DCST2: variants seen among roughly 807,000 people sequenced by gnomAD.
DCST2 encodes DC-STAMP domain containing 2, also known as DC-STAMP domain-containing protein 2.
In DCST2, 64 loss-of-function variants were observed where a neutral mutation model predicts 81.8. That is an observed-to-expected ratio of 0.78 (90% CI 0.64 to 0.96). The LOEUF (loss-of-function observed/expected upper bound fraction) is 0.96. Ranked by LOEUF, DCST2 falls within the 40% of genes least tolerant of loss-of-function variation. The probability of loss-of-function intolerance (pLI) is 0.00; values close to 1 mark genes in which losing one functional copy is unlikely to be tolerated. For missense variants in DCST2, 945 were observed against 1,001.4 expected, an observed-to-expected ratio of 0.94 and a Z score of 0.76; for synonymous variants, 354 against 402.6, an observed-to-expected ratio of 0.88 and a Z score of 1.44.
rs1234871471 is a variant in DCST2, at chr1:155,032,915, G to T, written c.440-147C>A. 3.9e-6 allele frequency: 4 copies of T among 1,012,840 alleles called. No homozygotes were observed. The East Asian group carries it at 1.0e-4, about 26-fold the overall frequency. The allele number at this position is 1,012,840 out of a possible 1,614,324, so 62.7% of individuals were successfully genotyped here. ...CTGGGGCCTGGGAGATCGTTAATCT[G>T]GGAGTGGAGGAGGCCAGAGAGCAAG... On this transcript the variant is annotated intron_variant, in intron 2 of 14. Transcript: ENST00000368424.
At chr1:155,023,753 A>C (rs537097066) in intron 12 of DCST2, 79 bp downstream of exon 12, 6 of 1,601,354 alleles carry the variant, frequency 3.7e-6, no homozygotes, top group Admixed American at 1.7e-5. Flanking sequence ...AAGTCCATCA[A>C]GGAAGGACCA....
chr1:155,026,269 G>A, intron 10 of DCST2, 33 bp downstream of exon 10: 1 of 1,608,144 alleles, frequency 6.2e-7, no homozygotes, highest in Non-Finnish European at 8.5e-7. Flanking sequence ...TGGGGAGGGG[G>A]CAGGGACTAG....
chr1:155,018,663 G>T lies in DCST2; in HGVS notation c.2203C>A (p.Pro735Thr), dbSNP rs749574086. 5 of 1,613,982 alleles carry T rather than the reference G, an allele frequency of 3.1e-6. 1 individual carries two copies. In the South Asian group the frequency reaches 5.5e-5, roughly 18 times the overall value. ...QPVSILTSPEPHRPPETSSAT... is the reference protein window; with the variant it reads ...QPVSILTSPETHRPPETSSAT... ...GAGGATGTCTCAGGTGGTCTGTGGG[G>T]CTCAGGGCTGGTGAGAATGCTGACA... The change falls in exon 15 of 15, where the codon CCC (proline) becomes ACC (threonine). Residue 735 changes from proline (P) to threonine (T), a missense_variant. Pro to Thr is a conservative substitution (Grantham distance 38, BLOSUM62 -1). Coordinates refer to ENST00000368424, the MANE Select transcript of DCST2 (RefSeq NM_144622.3).
chr1:155,024,724 G>A (rs1207838685), intron 10 of DCST2, 122 bp from the exon 11 acceptor site: 1 of 1,169,670 alleles, frequency 8.5e-7, no homozygotes, highest in East Asian at 3.1e-5. Context: ...TCTAGGTTTG[G>A]CTCAAATGCC....
intron 8 of DCST2, 140 bp from the exon 9 acceptor site, chr1:155,026,855 G>C: frequency 1.0e-6 from 1 of 996,928 alleles, no homozygotes; most frequent in East Asian, 2.6e-5. Flanking sequence ...GATGCCTCAG[G>C]CACCCTCATG....
At chr1:155,029,529 G>C in intron 7 of DCST2, 132 bp from the exon 8 acceptor site, 1 of 894,718 alleles carries the variant, frequency 1.1e-6, no homozygotes, top group Non-Finnish European at 1.7e-6. Context: ...GAAAAGAAAA[G>C]AAGCTGTGAG....
In DCST2 at chr1:155,030,096, A is replaced by T. The variant is rs1390695641; in HGVS notation, c.1165T>A (p.Tyr389Asn). 2 of 1,613,398 alleles carry T rather than the reference A, an allele frequency of 1.2e-6. No individual in the cohort carries two copies. Among genetic ancestry groups the T allele is most frequent in the African/African-American group, 1.3e-5 (1 of 74,900 alleles). ...LPLSAHEARR[Y>N]IPPGSIFLSQ... Reference sequence around the variant, plus strand: ...TCAGGGCCCTCACCCGGTGGGATGTAGCGCCTGGCCTCGTGAGCACTGAGC... The same window carrying T: ...TCAGGGCCCTCACCCGGTGGGATGTTGCGCCTGGCCTCGTGAGCACTGAGC... The change falls in exon 7 of 15, where the codon TAC becomes AAC. Residue 389 changes from tyrosine (Y) to asparagine (N), a missense_variant. Transcript: ENST00000368424.
At chr1:155,025,258 G>A (rs776576917) in intron 10 of DCST2, among the ~76,000 whole-genome samples, 2 of 152,192 alleles carry the variant, frequency 1.3e-5, no homozygotes, top group Non-Finnish European at 2.9e-5. Flanking sequence ...AAAGAGATAG[G>A]GGAATACAGT....
In DCST2 at chr1:155,023,363, C is replaced by T; in HGVS notation, c.1964+1G>A. 6.2e-7 allele frequency: 1 copy of T among 1,609,142 alleles called. No individual in the cohort carries two copies. Among genetic ancestry groups the T allele is most frequent in the Non-Finnish European group, 8.5e-7 (1 of 1,177,716 alleles). On this transcript the variant is annotated splice_donor_variant, in intron 13 of 14. Coordinates refer to ENST00000368424, the MANE Select transcript of DCST2 (RefSeq NM_144622.3). LOFTEE classifies it high-confidence loss of function. Reference sequence around the variant, plus strand: ...CCACCCCATGTCACTGAAAGACTCACAGCTCCAGGTCCAGGTCCCCCTGGT... The same window carrying T: ...CCACCCCATGTCACTGAAAGACTCATAGCTCCAGGTCCAGGTCCCCCTGGT...
chr1:155,033,518 A>G lies in DCST2; in HGVS notation c.184T>C (p.Leu62=). The G allele has an allele frequency of 6.2e-7, 1 of 1,614,012 alleles. No homozygotes were observed. Among genetic ancestry groups the G allele is most frequent in the Non-Finnish European group, 8.5e-7 (1 of 1,179,974 alleles). Residue 62 remains leucine (L), a synonymous_variant, in exon 1 of 15, where the codon TTG becomes CTG. Transcript: ENST00000368424. ...ATGCCCAGGCTAAGGAAGGCAGCCA[A>G]AGTGAGGGTGCCCACCAGGCAACCC... ...PWGCLVGTLT[L]AAFLSLGMGF...
intron 3 of DCST2, 131 bp from the exon 4 acceptor site, chr1:155,031,902 G>T: frequency 1.1e-6 from 1 of 942,896 alleles, no homozygotes; most frequent in Non-Finnish European, 1.6e-6. Context: ...GCTGTGTCCA[G>T]TGAACACTAG....
chr1:155,021,097 T>C (rs1558097096), intron 14 of DCST2, among the ~76,000 whole-genome samples: 1 of 152,120 alleles, frequency 6.6e-6, no homozygotes, highest in East Asian at 1.9e-4. Flanking sequence ...CCTCCCAGGT[T>C]CAATCAATTC....
At chr1:155,030,782 G>C in intron 5 of DCST2, 137 bp from the exon 6 acceptor site, 3 of 849,022 alleles carry the variant, frequency 3.5e-6, no homozygotes, top group Admixed American at 2.7e-5. Context: ...CTTGGGTCAA[G>C]GTGGACTGAG....
At chr1:155,031,798 C>T in intron 3 of DCST2, 27 bp from the exon 4 acceptor site, 1 of 1,610,052 alleles carries the variant, frequency 6.2e-7, no homozygotes. Context: ...GGTTGGCACC[C>T]AGGGCTGGAA....
intron 5 of DCST2, 167 bp from the exon 6 acceptor site, chr1:155,030,812 G>A (rs1026892233): frequency 5.9e-6 from 4 of 672,732 alleles, no homozygotes; most frequent in South Asian, 3.8e-5. Context: ...AAGCCTCCAC[G>A]TATCTGTGCC....
At chr1:155,019,726 C>T (rs559188232) in intron 14 of DCST2, among the ~76,000 whole-genome samples, 1 of 152,030 alleles carries the variant, frequency 6.6e-6, no homozygotes, top group South Asian at 2.1e-4. Context: ...AGAAAAAGCC[C>T]TCCACCTGTG....
In DCST2 at chr1:155,031,725, A is replaced by G. The variant is rs745832128; in HGVS notation, c.588T>C (p.Asp196=). The change falls in exon 4 of 15, where the codon GAT becomes GAC. Residue 196 remains aspartate, a synonymous_variant. Coordinates refer to ENST00000368424, the MANE Select transcript of DCST2 (RefSeq NM_144622.3). ...NVWQWLLHIG[D]VCNSELGNPY... ...GGTTGCCCAGTTCCGAGTTGCACAC[A>G]TCGCCGATGTGCAGGAGCCACTGCC... The G allele has an allele frequency of 6.2e-7, 1 of 1,613,970 alleles. No homozygotes were observed. The highest frequency in any genetic ancestry group is 8.5e-7 in the Non-Finnish European group (1 of 1,180,040).
chr1:155,033,527 T>C lies in DCST2; in HGVS notation c.175A>G (p.Thr59Ala). 1.2e-6 allele frequency: 2 copies of C among 1,613,962 alleles called. No individual in the cohort carries two copies. Among genetic ancestry groups the C allele is most frequent in the Non-Finnish European group, 1.7e-6 (2 of 1,179,974 alleles). The stretch of plus-strand genomic sequence containing the variant: ...CTAAGGAAGGCAGCCAAAGTGAGGG[T>C]GCCCACCAGGCAACCCCAGGGGCTG... ...GHSPWGCLVGTLTLAAFLSLG... is the reference protein window; with the variant it reads ...GHSPWGCLVGALTLAAFLSLG... The change falls in exon 1 of 15, where the codon ACC becomes GCC. Residue 59 changes from threonine to alanine, a missense_variant. By Grantham distance (58) the Thr-to-Ala change is moderately conservative. Coordinates refer to ENST00000368424, the MANE Select transcript of DCST2 (RefSeq NM_144622.3).
At chr1:155,030,388 C>T (rs765445449) in intron 6 of DCST2, 44 bp downstream of exon 6, 91 of 1,603,764 alleles carry the variant, frequency 5.7e-5, no homozygotes, top group Non-Finnish European at 7.2e-5. Flanking sequence ...CCTGGCCCTG[C>T]ACCCCCGGCC....
Sources: gnomAD v4.1 joint callset for allele counts (sites outside exome capture counted in the v4.1 genomes callset) on GRCh38, gnomAD v4.1.1 for gene constraint, MANE v1.5 for transcripts, NCBI Gene and HGNC (gene_info 2026-07-23, HGNC 2026-07-21) for gene names.